PPP1R14C: variants seen among roughly 807,000 people sequenced by gnomAD.
PPP1R14C encodes the protein protein phosphatase 1 regulatory inhibitor subunit 14C.
PPP1R14C carries 16 observed loss-of-function variants against 20.4 expected under a neutral mutation model. That is an observed-to-expected ratio of 0.78 (90% CI 0.53 to 1.19). PPP1R14C has a LOEUF of 1.19. Ranked by LOEUF, PPP1R14C falls within the 50% of genes most tolerant of loss-of-function variation. PPP1R14C has a pLI of 0.00. For missense variants in PPP1R14C, 211 were observed against 220.1 expected, an observed-to-expected ratio of 0.96 and a Z score of 0.26; for synonymous variants, 91 against 91.0, an observed-to-expected ratio of 1.00 and a Z score of 0.00.
intron 3 of PPP1R14C, among the ~76,000 whole-genome samples, chr6:150,218,380 G>A (rs1227262129): frequency 6.6e-6 from 1 of 151,690 alleles, no homozygotes; most frequent in Non-Finnish European, 1.5e-5. Flanking sequence ...TCCAGCCTGG[G>A]CGACAGAGCG....
chr6:150,218,473 A>AAC (rs1778125514), intron 3 of PPP1R14C, among the ~76,000 whole-genome samples: 3 of 85,330 alleles, frequency 3.5e-5, no homozygotes, highest in Non-Finnish European at 4.3e-5. Flanking sequence ...AATACATCTG[A>AAC]ACCCCCCCCC....
intron 1 of PPP1R14C, among the ~76,000 whole-genome samples, chr6:150,156,024 CAAAAAAAAAAAAA>C (rs67908012): frequency 2.1e-4 from 8 of 38,420 alleles, no homozygotes; most frequent in Non-Finnish European, 3.8e-4. Flanking sequence ...GACTCTGTCT[CAAAAAAAAAAAAA>C]AAAAAAAAAA....
In PPP1R14C at chr6:150,185,166, C is replaced by A. The variant is rs1777663198; in HGVS notation, c.307-29578C>A. ...CAGTTTGACTGGGTTGCAACGGGTC[C>A]ATTATTTACTCAACTTCTTTCTTTA... On this transcript the variant is annotated intron_variant, in intron 1 of 3. Coordinates refer to ENST00000361131, the MANE Select transcript of PPP1R14C (RefSeq NM_030949.3). This position sits in a 1 kb window ranked among gnomAD's most constrained non-coding sequence, Gnocchi z 4.1. 6.6e-6 allele frequency among the ~76,000 whole-genome samples: 1 copy of A among 152,144 alleles called. No homozygotes were observed. The highest frequency in any genetic ancestry group is 2.1e-4 in the South Asian group (1 of 4,830).
At chr6:150,214,075 G>A (rs1778060424) in intron 1 of PPP1R14C, among the ~76,000 whole-genome samples, 1 of 152,190 alleles carries the variant, frequency 6.6e-6, no homozygotes. Context: ...GGAGTGAAGG[G>A]GACGTTCTTG....
intron 1 of PPP1R14C, among the ~76,000 whole-genome samples, chr6:150,186,302 A>G (rs74823594): frequency 0.013 from 2,002 of 152,244 alleles, 46 homozygotes; most frequent in African/African-American, 0.045. Context: ...TCCACTTTGA[A>G]GGATATAATT....
chr6:150,143,636 G>A lies in PPP1R14C; in HGVS notation c.306+138G>A. The A allele has an allele frequency of 1.5e-6, 1 of 658,048 alleles. No homozygotes were observed. The highest frequency in any genetic ancestry group is 2.5e-6 in the Non-Finnish European group (1 of 401,106). The allele number at this position is 658,048 out of a possible 1,614,324, so 40.8% of individuals were successfully genotyped here. ...CCAAGTGCCAGGAGCGAGGCGCGGC[G>A]CCTTCTCTCCCCCGCGGTGCCCTCT... On this transcript the variant is annotated intron_variant, in intron 1 of 3. Coordinates refer to ENST00000361131, the MANE Select transcript of PPP1R14C (RefSeq NM_030949.3). This position sits in a 1 kb window ranked among gnomAD's most constrained non-coding sequence, Gnocchi z 5.6.
At chr6:150,225,332 G>A (rs1002179329) in intron 3 of PPP1R14C, among the ~76,000 whole-genome samples, 3 of 152,106 alleles carry the variant, frequency 2.0e-5, no homozygotes, top group African/African-American at 4.8e-5. Context: ...ACCTCTGCCC[G>A]TGACTGGATC....
Position 150,250,114 on chromosome 6 carries a change from A to C in PPP1R14C, c.*1294A>C, listed in dbSNP as rs1778546904. The C allele has an allele frequency of 6.6e-6, 1 of 152,590 alleles. No homozygotes were observed. Among genetic ancestry groups the C allele is most frequent in the Non-Finnish European group, 1.5e-5 (1 of 68,042 alleles). 9.5% of individuals were successfully genotyped at this position (152,590 alleles called of 1,614,324 possible). ...GGTGAGAGTAGAAACCCTTCCCTCCAGGAGGCCCCCGCTGACTCCCACAGA... is the reference window on the plus strand; with the variant it reads ...GGTGAGAGTAGAAACCCTTCCCTCCCGGAGGCCCCCGCTGACTCCCACAGA... On this transcript the variant is annotated 3_prime_UTR_variant, in exon 4 of 4. Coordinates refer to ENST00000361131, the MANE Select transcript of PPP1R14C (RefSeq NM_030949.3).
At chr6:150,233,883 C>T (rs1472361455) in intron 3 of PPP1R14C, among the ~76,000 whole-genome samples, 1 of 152,238 alleles carries the variant, frequency 6.6e-6, no homozygotes, top group Non-Finnish European at 1.5e-5. Flanking sequence ...CAAAGGAAGG[C>T]ACCCCATTGC....
chr6:150,189,196 A>G (rs1295481051), intron 1 of PPP1R14C, among the ~76,000 whole-genome samples: 2 of 148,576 alleles, frequency 1.3e-5, no homozygotes, highest in East Asian at 2.0e-4. Context: ...TTCACTCACT[A>G]AATTCCTCCT....
At chr6:150,237,039 C>T (rs536523473) in intron 3 of PPP1R14C, among the ~76,000 whole-genome samples, 1 of 152,104 alleles carries the variant, frequency 6.6e-6, no homozygotes, top group Non-Finnish European at 1.5e-5. Context: ...CTGCGCCCAG[C>T]CTGACATCCA....
intron 3 of PPP1R14C, among the ~76,000 whole-genome samples, chr6:150,221,043 T>C (rs1399721316): frequency 1.3e-5 from 2 of 152,268 alleles, no homozygotes; most frequent in Non-Finnish European, 2.9e-5. Flanking sequence ...TGTAAAATGC[T>C]GAGGAATTTC....
chr6:150,182,400 G>A (rs1777632172), intron 1 of PPP1R14C, among the ~76,000 whole-genome samples: 2 of 152,214 alleles, frequency 1.3e-5, no homozygotes, highest in Admixed American at 6.5e-5. Context: ...AGTAGATTGG[G>A]TATTTGGTGA....
intron 3 of PPP1R14C, among the ~76,000 whole-genome samples, chr6:150,228,344 A>G (rs1778252876): frequency 1.3e-5 from 2 of 152,166 alleles, no homozygotes; most frequent in Non-Finnish European, 2.9e-5. Flanking sequence ...AAGAATTCAA[A>G]TATTTTATAC....
At chr6:150,234,603 C>CT (rs1290403253) in intron 3 of PPP1R14C, among the ~76,000 whole-genome samples, 1 of 151,950 alleles carries the variant, frequency 6.6e-6, no homozygotes, top group Non-Finnish European at 1.5e-5. Context: ...AATCCCAGCA[C>CT]TTTGAGAGGC....
chr6:150,218,485 C>CCCCCA (rs1491450929), intron 3 of PPP1R14C, among the ~76,000 whole-genome samples: 3 of 125,704 alleles, frequency 2.4e-5, no homozygotes, highest in African/African-American at 8.7e-5. Flanking sequence ...CCCCCCCCCC[C>CCCCCA]AAAAAAAAAT....
chr6:150,176,441 C>T (rs952174636), intron 1 of PPP1R14C, among the ~76,000 whole-genome samples: 9 of 152,246 alleles, frequency 5.9e-5, no homozygotes, highest in Admixed American at 1.3e-4. Context: ...CTTTCCCCTT[C>T]ATTGTATGTC....
At chr6:150,180,672 G>A (rs1777611369) in intron 1 of PPP1R14C, among the ~76,000 whole-genome samples, 2 of 152,128 alleles carry the variant, frequency 1.3e-5, no homozygotes, top group Admixed American at 1.3e-4. Context: ...GGTCCTTCCT[G>A]TGGTCACTTT....
At chr6:150,152,112 T>G (rs1777254798) in intron 1 of PPP1R14C, among the ~76,000 whole-genome samples, 2 of 115,388 alleles carry the variant, frequency 1.7e-5, no homozygotes, top group South Asian at 6.2e-4. Flanking sequence ...AGAGCGAGAC[T>G]CCGTCTCAAA....
Sources: allele counts gnomAD v4.1 joint callset (sites outside exome capture counted in the v4.1 genomes callset), GRCh38; gene constraint gnomAD v4.1.1; non-coding constraint Gnocchi (gnomAD v3.1); transcripts MANE v1.5; gene names NCBI Gene and HGNC (gene_info 2026-07-23, HGNC 2026-07-21).